The following USP48 variants were observed in gnomAD, a reference collection of about 807,000 sequenced individuals.
USP48 encodes the protein ubiquitin carboxyl-terminal hydrolase 48.
A neutral mutation model predicts 150.7 loss-of-function variants in USP48; 43 were observed. The observed-to-expected ratio is 0.29, with a 90% CI of 0.22 to 0.37. The LOEUF (loss-of-function observed/expected upper bound fraction) is 0.37. USP48 is among the 10% of genes least tolerant of loss of function. USP48 has a pLI of 1.00. For missense variants in USP48, 813 were observed against 1,249.6 expected, an observed-to-expected ratio of 0.65 and a Z score of 5.27; for synonymous variants, 396 against 425.9, an observed-to-expected ratio of 0.93 and a Z score of 0.86.
At position 21,776,592 on chromosome 1, in the gene USP48, CAAAAAAAAAAAAAAAAA is replaced by C. The variant is rs59309344; in HGVS notation, c.134+6215_134+6231del. On this transcript the variant is annotated intron_variant, in intron 1 of 26. Transcript: ENST00000308271. ...GGAGAAAGTGAATAGTGTCTTGTCT[CAAAAAAAAAAAAAAAAA>C]AAAAAAAAAGAAGAAAGTGAGTAGA... is the stretch of plus-strand genomic sequence containing the variant. Among the ~76,000 whole-genome samples, 3 of 57,992 alleles carry C rather than the reference CAAAAAAAAAAAAAAAAA, an allele frequency of 5.2e-5. No individual in the cohort carries two copies. In the South Asian group the frequency reaches 3.2e-3, roughly 62 times the overall value. The allele number at this position is 57,992 out of a possible 152,430, so 38.0% of individuals were successfully genotyped here. A position where few individuals can be genotyped will look rare whatever the true frequency, so the allele number is the denominator to read the frequency against.
Position 21,728,696 on chromosome 1 carries a change from G to C in USP48, c.1324C>G (p.Arg442Gly), listed in dbSNP as rs1410026708. ...CACTCCTCAAATTTGGAATTATCCC[G>C]ATCTACCAGCTCTTGAAGAAAGGCT... ...VPAFLQELVDRDNSKFEEWCI... is the reference protein window; with the variant it reads ...VPAFLQELVDGDNSKFEEWCI... The change falls in exon 11 of 27, where the codon CGG becomes GGG. Residue 442 changes from arginine to glycine, a missense_variant. Coordinates refer to ENST00000308271, the MANE Select transcript of USP48 (RefSeq NM_032236.8). The C allele has an allele frequency of 6.2e-7, 1 of 1,613,772 alleles. No individual in the cohort carries two copies. The highest frequency in any genetic ancestry group is 8.5e-7 in the Non-Finnish European group (1 of 1,179,970).
At chr1:21,689,845 C>A in intron 24 of USP48, 129 bp downstream of exon 24, 12 of 1,299,454 alleles carry the variant, frequency 9.2e-6, no homozygotes, top group Non-Finnish European at 1.3e-5. Context: ...CAAAAACCCA[C>A]AGCAGTCATT....
At chr1:21,729,009 G>C (rs2097748209) in intron 10 of USP48, among the ~76,000 whole-genome samples, 1 of 152,198 alleles carries the variant, frequency 6.6e-6, no homozygotes, top group Non-Finnish European at 1.5e-5. Flanking sequence ...CGCCAGGCGG[G>C]CGCAGTGGCT....
At chr1:21,717,057 T>G (rs2097706522) in intron 14 of USP48, among the ~76,000 whole-genome samples, 1 of 141,264 alleles carries the variant, frequency 7.1e-6, no homozygotes, top group African/African-American at 2.6e-5. Context: ...GGTTAAGAAC[T>G]TCACACATTT....
intron 1 of USP48, among the ~76,000 whole-genome samples, chr1:21,773,254 C>CAAAA (rs60704662): frequency 2.1e-3 from 133 of 63,460 alleles, no homozygotes; most frequent in East Asian, 3.1e-3. Flanking sequence ...GACTCGGTCT[C>CAAAA]AAAAAAAAAA....
rs1258374610 is a variant in USP48 at position 21,694,594 on chromosome 1, AAAAAAAAAAAAAAC to A, written c.2883+458_2883+471del. On this transcript the variant is annotated intron_variant, in intron 23 of 26. Transcript: ENST00000308271. ...CACCAAAAAAAAAAAAAAAAAAAAAAAAAAAAAAAAAAACCCCCTCTATCTATCAAATAGATTTA... is the reference window on the plus strand; with the variant it reads ...CACCAAAAAAAAAAAAAAAAAAAAAACCCCTCTATCTATCAAATAGATTTA... 3.4e-3 allele frequency among the ~76,000 whole-genome samples: 422 copies of A among 123,404 alleles called. 15 individuals are homozygous for A. The highest frequency in any genetic ancestry group is 0.01 in the African/African-American group (364 of 34,880). The allele number at this position is 123,404 out of a possible 152,430, so 81.0% of individuals were successfully genotyped here. A position where few individuals can be genotyped will look rare whatever the true frequency, so the allele number is the denominator to read the frequency against.
At position 21,748,179 on chromosome 1, in the gene USP48, A is replaced by T; in HGVS notation, c.867T>A (p.Pro289=). The T allele has an allele frequency of 1.2e-6, 2 of 1,614,010 alleles. No individual in the cohort carries two copies. Among genetic ancestry groups the T allele is most frequent in the Non-Finnish European group, 1.7e-6 (2 of 1,179,970 alleles). Residue 289 remains proline (P), a synonymous_variant, in exon 7 of 27, where the codon CCT becomes CCA. Transcript: ENST00000308271. Reference sequence around the variant, plus strand: ...GCATTAGCTGCAAGTTCAGAGTGCAAGGAAGGCTAAGAAGTCGAATCTTTC... The same window carrying T: ...GCATTAGCTGCAAGTTCAGAGTGCATGGAAGGCTAAGAAGTCGAATCTTTC... ...ATRKIRLLSL[P]CTLNLQLMRF...
intron 24 of USP48, among the ~76,000 whole-genome samples, chr1:21,689,335 G>A (rs146022232): frequency 1.7e-4 from 26 of 148,962 alleles, no homozygotes; most frequent in African/African-American, 6.1e-4. Flanking sequence ...AGCGGGGGGC[G>A]GGGGGTTGGA....
intron 22 of USP48, 85 bp from the exon 23 acceptor site, chr1:21,695,306 G>C (rs1047994727): frequency 1.5e-5 from 22 of 1,422,874 alleles, no homozygotes; most frequent in Non-Finnish European, 2.0e-5. Context: ...GTAAACAAAA[G>C]CTGTTTCCTT....
chr1:21,683,278 CAT>C (rs1322874850), intron 25 of USP48, among the ~76,000 whole-genome samples: 2 of 152,138 alleles, frequency 1.3e-5, no homozygotes, highest in African/African-American at 4.8e-5. Flanking sequence ...AAAAGCCAAA[CAT>C]AATATTTGTA....
rs2097623070 is a variant in USP48, at chr1:21,695,142, A to G, written c.2807T>C (p.Met936Thr). The G allele has an allele frequency of 1.9e-6, 3 of 1,613,804 alleles. No individual in the cohort carries two copies. The South Asian group carries it at 3.3e-5, about 18-fold the overall frequency. Residue 936 changes from methionine to threonine, a missense_variant, in exon 23 of 27, where the codon ATG becomes ACG. Transcript: ENST00000308271. ...AYQKQVIRRS[M>T]RHRKVRGEKA... Reference sequence around the variant, plus strand: ...CTCACCACGAACTTTTCTATGTCGCATACTTCGGCGAATAACTTGCTTTTG... The same window carrying G: ...CTCACCACGAACTTTTCTATGTCGCGTACTTCGGCGAATAACTTGCTTTTG...
chr1:21,720,886 G>T, intron 14 of USP48, 150 bp downstream of exon 14: 1 of 1,012,700 alleles, frequency 9.9e-7, no homozygotes, highest in Non-Finnish European at 1.4e-6. Flanking sequence ...CTGGAGTGCA[G>T]TGGGGCTGGC....
At chr1:21,689,220 T>C (rs1356735744) in intron 24 of USP48, among the ~76,000 whole-genome samples, 1 of 150,736 alleles carries the variant, frequency 6.6e-6, no homozygotes, top group South Asian at 2.1e-4. Flanking sequence ...TTTTTTGCTT[T>C]TTTTTTTTGT....
At chr1:21,688,951 T>C (rs918543332) in intron 24 of USP48, among the ~76,000 whole-genome samples, 3 of 152,036 alleles carry the variant, frequency 2.0e-5, no homozygotes, top group Non-Finnish European at 4.4e-5. Context: ...ATTTTGACTG[T>C]TGTGACAGAA....
chr1:21,695,521 C>A (rs1346938238), intron 22 of USP48, among the ~76,000 whole-genome samples: 1 of 152,154 alleles, frequency 6.6e-6, no homozygotes, highest in Non-Finnish European at 1.5e-5. Context: ...GAGTTCAAGA[C>A]CAGCCTAGGC....
At chr1:21,763,441 C>T (rs1017862937) in intron 1 of USP48, among the ~76,000 whole-genome samples, 3 of 152,156 alleles carry the variant, frequency 2.0e-5, no homozygotes, top group African/African-American at 7.2e-5. Context: ...TGTTGCTAAG[C>T]CTTTCATACA....
intron 22 of USP48, among the ~76,000 whole-genome samples, chr1:21,696,905 ATGGGGGG>A (rs2097634654): frequency 4.4e-4 from 1 of 2,278 alleles, no homozygotes; most frequent in South Asian, 8.3e-3. Flanking sequence ...GCGGTGGGGG[ATGGGGGG>A]TGAGTGAGAG....
At chr1:21,737,734 T>C (rs547709) in intron 8 of USP48, among the ~76,000 whole-genome samples, 11,595 of 152,270 alleles carry the variant, frequency 0.076, 499 homozygotes, top group Middle Eastern at 0.11. Flanking sequence ...TCTTTTCACA[T>C]CATTATTCTT....
At chr1:21,701,023 C>G (rs2097654075) in intron 22 of USP48, among the ~76,000 whole-genome samples, 1 of 137,310 alleles carries the variant, frequency 7.3e-6, no homozygotes. Flanking sequence ...CGAGATTGTG[C>G]CACTGTACTC....
Sources: allele counts gnomAD v4.1 joint callset (sites outside exome capture counted in the v4.1 genomes callset), GRCh38; gene constraint gnomAD v4.1.1; transcripts MANE v1.5; gene names NCBI Gene and HGNC (gene_info 2026-07-23, HGNC 2026-07-21).